PARD3B: variants seen among roughly 807,000 people sequenced by gnomAD.
PARD3B encodes partitioning defective 3 homolog B.
Under a neutral mutation model 130.2 loss-of-function variants are expected in PARD3B, and 103 were observed. That is an observed-to-expected ratio of 0.79 (90% CI 0.67 to 0.93). The LOEUF (loss-of-function observed/expected upper bound fraction) is 0.93, where lower values mean the gene tolerates loss of function less well. Among genes scored for constraint, PARD3B ranks in the 40% least tolerant of loss-of-function variants. The pLI, the probability that PARD3B is intolerant of heterozygous loss-of-function variation, is 0.00. For missense variants in PARD3B, 1,609 were observed against 1,499.2 expected (o/e 1.07, Z -1.21); for synonymous variants, 583 against 553.2 (o/e 1.05, Z -0.76).
intron 3 of PARD3B, among the ~76,000 whole-genome samples, chr2:205,034,607 CA>C (rs1050138837): frequency 2.0e-4 from 31 of 152,044 alleles, no homozygotes; most frequent in African/African-American, 7.5e-4. Flanking sequence ...GATACAAAAA[CA>C]GATCCACATT....
intron 1 of PARD3B, among the ~76,000 whole-genome samples, chr2:204,551,703 T>C (rs1338710862): frequency 6.6e-6 from 1 of 152,234 alleles, no homozygotes; most frequent in African/African-American, 2.4e-5. Flanking sequence ...GATTTGTAGC[T>C]TGAGGCCCTG....
chr2:205,110,556 G>A (rs1703554893), intron 5 of PARD3B, among the ~76,000 whole-genome samples: 2 of 150,848 alleles, frequency 1.3e-5, no homozygotes, highest in African/African-American at 2.4e-5. Context: ...TTTGATCTTA[G>A]TAAAATTTTC....
intron 2 of PARD3B, among the ~76,000 whole-genome samples, chr2:204,742,094 C>G (rs1246817374): frequency 1.3e-5 from 2 of 152,078 alleles, no homozygotes; most frequent in African/African-American, 2.4e-5. Flanking sequence ...CTGATGCAGG[C>G]TAAGTTTTAG....
chr2:205,210,302 T>A (rs1490286383), intron 15 of PARD3B, among the ~76,000 whole-genome samples: 1 of 152,106 alleles, frequency 6.6e-6, no homozygotes, highest in Non-Finnish European at 1.5e-5. Flanking sequence ...TACCTACCTG[T>A]GTTCTTATAT....
chr2:204,549,187 C>T (rs2030247737), intron 1 of PARD3B, among the ~76,000 whole-genome samples: 1 of 152,126 alleles, frequency 6.6e-6, no homozygotes, highest in Non-Finnish European at 1.5e-5. Flanking sequence ...TTTAATTATG[C>T]TCTGAAGTCT....
intron 4 of PARD3B, among the ~76,000 whole-genome samples, chr2:205,055,540 G>T (rs4673312): frequency 6.6e-6 from 1 of 152,158 alleles, no homozygotes; most frequent in Non-Finnish European, 1.5e-5. Flanking sequence ...GATCCTGTGT[G>T]TGATTGCATC....
chr2:204,844,764 T>A (rs981836740), intron 2 of PARD3B, among the ~76,000 whole-genome samples: 2 of 152,308 alleles, frequency 1.3e-5, no homozygotes, highest in African/African-American at 2.4e-5. Context: ...GATAAAATTT[T>A]TCTCAAGTGT....
In PARD3B at chr2:205,186,258, G is replaced by T. The variant is rs185050426; in HGVS notation, c.2024+395G>T. On this transcript the variant is annotated intron_variant, in intron 14 of 22. Transcript: ENST00000406610. ...AAACCCTAGAGGTATTTTAAAAATA[G>T]ATGTTCCAAGAAAGTTAATGGAATC... Among the ~76,000 whole-genome samples, 152 of 152,194 alleles carry T rather than the reference G, an allele frequency of 1.0e-3. 1 individual carries two copies. In the Middle Eastern group the frequency reaches 0.01, roughly 10 times the overall value.
At chr2:205,588,951 C>A (rs571060686) in intron 22 of PARD3B, among the ~76,000 whole-genome samples, 1 of 152,096 alleles carries the variant, frequency 6.6e-6, no homozygotes, top group Non-Finnish European at 1.5e-5. Context: ...TCCTTAGAAA[C>A]GAATTTCCAT....
At chr2:204,668,382 T>C (rs2036122902) in intron 1 of PARD3B, among the ~76,000 whole-genome samples, 1 of 152,184 alleles carries the variant, frequency 6.6e-6, no homozygotes, top group South Asian at 2.1e-4. Flanking sequence ...TTCTAGATTT[T>C]CCATCTCTGT....
At chr2:204,975,301 T>C (rs556100301) in intron 3 of PARD3B, among the ~76,000 whole-genome samples, 1 of 152,340 alleles carries the variant, frequency 6.6e-6, no homozygotes, top group East Asian at 1.9e-4. Context: ...TGGCCAACTT[T>C]AATTTTATCT....
intron 21 of PARD3B, among the ~76,000 whole-genome samples, chr2:205,539,475 A>C (rs1423054855): frequency 6.6e-6 from 1 of 152,188 alleles, no homozygotes; most frequent in East Asian, 1.9e-4. Flanking sequence ...AGGTATGTGC[A>C]CAGCCCCTCC....
chr2:205,102,615 A>G (rs1702860664), intron 4 of PARD3B, among the ~76,000 whole-genome samples: 1 of 152,170 alleles, frequency 6.6e-6, no homozygotes, highest in Non-Finnish European at 1.5e-5. Flanking sequence ...AAAGGAGAAA[A>G]TTAATTTTTT....
At chr2:205,054,779 A>G (rs1383584978) in intron 4 of PARD3B, among the ~76,000 whole-genome samples, 3 of 152,040 alleles carry the variant, frequency 2.0e-5, no homozygotes, top group East Asian at 1.9e-4. Context: ...CCTGTCCTCA[A>G]GAAACTTACA....
chr2:205,048,122 C>G (rs1698928483), intron 4 of PARD3B: 2 of 153,068 alleles, frequency 1.3e-5, no homozygotes, highest in Admixed American at 1.3e-4. Flanking sequence ...TGTTACATTT[C>G]CTTCATCTTC....
At position 204,626,968 on chromosome 2, in the gene PARD3B, CAAGG is replaced by C. The variant is rs2034507794; in HGVS notation, c.121-59212_121-59209del. Among the ~76,000 whole-genome samples the C allele has an allele frequency of 2.0e-5, 3 of 152,248 alleles. No homozygotes were observed. In the South Asian group the frequency reaches 6.2e-4, roughly 32 times the overall value. ...GGAGGGACCTGTAATCCCCACCTGT[CAAGG>C]GAGGGAGGTGATTGGATCACAGCGA... On this transcript the variant is annotated intron_variant, in intron 1 of 22. Transcript: ENST00000406610.
At chr2:205,522,753 T>TAACA (rs374378503) in intron 21 of PARD3B, among the ~76,000 whole-genome samples, 102 of 152,238 alleles carry the variant, frequency 6.7e-4, no homozygotes, top group African/African-American at 2.4e-3. Context: ...AAATTTTTAC[T>TAACA]AACAGCTTTT....
chr2:205,480,721 C>G (rs887856672), intron 20 of PARD3B, among the ~76,000 whole-genome samples: 2 of 152,166 alleles, frequency 1.3e-5, no homozygotes, highest in African/African-American at 2.4e-5. Flanking sequence ...GCTCCGTGCT[C>G]TCAACACCTT....
chr2:204,996,946 T>TGGTGCGCGCACAC lies in PARD3B; in HGVS notation c.394+31624_394+31636dup, dbSNP rs1447142646. Among the ~76,000 whole-genome samples, 9 of 152,080 alleles carry TGGTGCGCGCACAC rather than the reference T, an allele frequency of 5.9e-5. 1 individual carries two copies. The South Asian group carries it at 1.5e-3, about 25-fold the overall frequency. On this transcript the variant is annotated intron_variant, in intron 3 of 22. Coordinates refer to ENST00000406610, the MANE Select transcript of PARD3B (RefSeq NM_001302769.2). Reference sequence around the variant, plus strand: ...GCCTCGCCCTGCTTCGGCTCGCACATGGTGCGCGCACACACTGGCCTGCGC... The same window carrying TGGTGCGCGCACAC: ...GCCTCGCCCTGCTTCGGCTCGCACATGGTGCGCGCACACGGTGCGCGCACACACTGGCCTGCGC...
Sources: allele counts gnomAD v4.1 joint callset (sites outside exome capture counted in the v4.1 genomes callset), GRCh38; gene constraint gnomAD v4.1.1; transcripts MANE v1.5; gene names NCBI Gene and HGNC (gene_info 2026-07-23, HGNC 2026-07-21).